Variants in MATN3 observed in about 807,000 individuals in gnomAD.
MATN3 encodes the protein matrilin 3, also known as matrilin-3.
In MATN3, 48 loss-of-function variants were observed where a neutral mutation model predicts 45.3. The observed-to-expected ratio is 1.06, with a 90% confidence interval of 0.84 to 1.35. The LOEUF is 1.35. Ranked by LOEUF, MATN3 falls within the 40% of genes most tolerant of loss-of-function variation. The pLI is 0.00. For synonymous variants in MATN3, 217 were observed against 245.9 expected, an observed-to-expected ratio of 0.88 and a Z score of 1.10; for missense variants, 599 against 628.0, an observed-to-expected ratio of 0.95 and a Z score of 0.49.
chr2:20,003,584 T>A (rs959223101), intron 2 of MATN3, among the ~76,000 whole-genome samples: 1 of 152,196 alleles, frequency 6.6e-6, no homozygotes, highest in Non-Finnish European at 1.5e-5. Flanking sequence ...TTGGATGTTT[T>A]ATTTGGCTTA....
chr2:19,992,173 C>T lies in MATN3; in HGVS notation c.*938G>A, dbSNP rs983814181. The T allele has an allele frequency of 2.0e-5, 3 of 151,970 alleles. No homozygotes were observed. Among genetic ancestry groups the T allele is most frequent in the Admixed American group, 1.3e-4 (2 of 15,248 alleles). The allele number at this position is 151,970 out of a possible 1,614,324, so 9.4% of individuals were successfully genotyped here. A position where few individuals can be genotyped will look rare whatever the true frequency, so the allele number is the denominator to read the frequency against. ...AATGCAAACGAAAAACAGAATTGAG[C>T]AGTGCAAAATTTAAAGGACTGTTTT... On this transcript the variant is annotated 3_prime_UTR_variant, in exon 8 of 8. Transcript: ENST00000407540.
At position 19,993,088 on chromosome 2, in the gene MATN3, T is replaced by G; in HGVS notation, c.*23A>C. On this transcript the variant is annotated 3_prime_UTR_variant, in exon 8 of 8. Coordinates refer to ENST00000407540, the MANE Select transcript of MATN3 (RefSeq NM_002381.5). ...TTAAGTACACCAAGCTGTCCACATTTTCAGGTGAGAAATTGGAGCAATTTA... is the reference window on the plus strand; with the variant it reads ...TTAAGTACACCAAGCTGTCCACATTGTCAGGTGAGAAATTGGAGCAATTTA... The G allele has an allele frequency of 1.3e-6, 2 of 1,598,996 alleles. No homozygotes were observed. Among genetic ancestry groups the G allele is most frequent in the Non-Finnish European group, 1.7e-6 (2 of 1,166,504 alleles).
In MATN3 at chr2:20,002,343, T is replaced by C. The variant is rs1321369085; in HGVS notation, c.917-263A>G. On this transcript the variant is annotated intron_variant, in intron 3 of 7. Transcript: ENST00000407540. Reference sequence around the variant, plus strand: ...CTATAAAATTAAGTTATCTCTAAGCTTTCTTCCTCCCAAAAACTTTTTTCT... The same window carrying C: ...CTATAAAATTAAGTTATCTCTAAGCCTTCTTCCTCCCAAAAACTTTTTTCT... Among the ~76,000 whole-genome samples the C allele has an allele frequency of 2.0e-5, 3 of 152,246 alleles. No individual in the cohort carries two copies. The East Asian group carries it at 5.8e-4, about 29-fold the overall frequency.
intron 3 of MATN3, 127 bp downstream of exon 3, chr2:20,003,034 C>T: frequency 9.3e-7 from 1 of 1,079,144 alleles, no homozygotes; most frequent in Non-Finnish European, 1.3e-6. Context: ...TGATGAACAC[C>T]AGTAAACCAG....
In MATN3 at chr2:20,003,439, T is replaced by C. The variant is rs10186848; in HGVS notation, c.791-153A>G. ...TGGTTATTTGTTTTCTGCCTCTGGC[T>C]TATTAGCAATGCTACTCTTAAACTA... On this transcript the variant is annotated intron_variant, in intron 2 of 7. Coordinates refer to ENST00000407540, the MANE Select transcript of MATN3 (RefSeq NM_002381.5). 0.024 allele frequency among the ~76,000 whole-genome samples: 3,706 copies of C among 152,360 alleles called. 173 individuals are homozygous for C. The highest frequency in any genetic ancestry group is 0.085 in the African/African-American group (3,541 of 41,576).
rs747623605 is a variant in MATN3, at chr2:20,000,495, G to T, written c.1114C>A (p.His372Asn). The change falls in exon 5 of 8, where the codon CAT becomes AAT. Residue 372 changes from histidine (H) to asparagine (N), a missense_variant. Physicochemically the swap from His to Asn is moderately conservative, Grantham distance 68. Coordinates refer to ENST00000407540, the MANE Select transcript of MATN3 (RefSeq NM_002381.5). ...GTGTAGCCCTCATAGCATTCACAAT[G>T]ATGGGACCCTGTTCTGTCATTCACA... is the stretch of plus-strand genomic sequence containing the variant. ...ICVNDRTGSH[H>N]CECYEGYTLN... The T allele has an allele frequency of 6.2e-7, 1 of 1,612,710 alleles. No homozygotes were observed. Among genetic ancestry groups the T allele is most frequent in the African/African-American group, 1.3e-5 (1 of 75,004 alleles).
Position 19,992,685 on chromosome 2 carries a change from A to G in MATN3, c.*426T>C, listed in dbSNP as rs767425387. 1.7e-5 allele frequency: 3 copies of G among 178,552 alleles called. No homozygotes were observed. The highest frequency in any genetic ancestry group is 3.5e-5 in the Non-Finnish European group (3 of 86,248). The allele number at this position is 178,552 out of a possible 1,614,324, so 11.1% of individuals were successfully genotyped here. On this transcript the variant is annotated 3_prime_UTR_variant, in exon 8 of 8. Coordinates refer to ENST00000407540, the MANE Select transcript of MATN3 (RefSeq NM_002381.5). ...GTTATATGAAGTTGTATGTGTAAAT[A>G]CCTTGTACAATTTGCACTCTCAGTA...
At chr2:19,994,454 A>C (rs1489445452) in intron 6 of MATN3, 45 bp from the exon 7 acceptor site, 2 of 1,072,162 alleles carry the variant, frequency 1.9e-6, no homozygotes, top group Non-Finnish European at 2.8e-6. Flanking sequence ...AGGAATAGCT[A>C]TATAGGAATC....
chr2:19,995,917 C>T lies in MATN3; in HGVS notation c.1294+1217G>A, dbSNP rs1004590229. The stretch of plus-strand genomic sequence containing the variant: ...TGAATCCTATTGAACCTTTTAGGGA[C>T]AGCCAGTCCAAATCCCATCTTAGTT... On this transcript the variant is annotated intron_variant, in intron 6 of 7. Coordinates refer to ENST00000407540, the MANE Select transcript of MATN3 (RefSeq NM_002381.5). This position sits in a 1 kb window ranked among gnomAD's most constrained non-coding sequence, Gnocchi z 4.2. 1.3e-5 allele frequency among the ~76,000 whole-genome samples: 2 copies of T among 152,188 alleles called. No homozygotes were observed. The highest frequency in any genetic ancestry group is 6.5e-5 in the Admixed American group (1 of 15,284).
intron 6 of MATN3, 131 bp from the exon 7 acceptor site, chr2:19,994,540 G>T: frequency 1.7e-6 from 1 of 604,408 alleles, no homozygotes; most frequent in Admixed American, 3.5e-5. Flanking sequence ...AAGAGGTAAA[G>T]GGATAGATGA....
chr2:20,006,170 C>A lies in MATN3; in HGVS notation c.364G>T (p.Val122Leu), dbSNP rs34379235. The change falls in exon 2 of 8, where the codon GTG becomes TTG. Residue 122 changes from valine to leucine, a missense_variant. Val to Leu is a conservative substitution (Grantham distance 32, BLOSUM62 1). Transcript: ENST00000407540. ...GTGCTAGCATAGTTCACCACTGCCA[C>A]CCGCGTGTCGGCTGGCCCAATGTCC... ...TLDIGPADTR[V>L]AVVNYASTVK... is the part of the protein sequence containing the mutation. 1 of 1,613,976 alleles carries A rather than the reference C, an allele frequency of 6.2e-7. No individual in the cohort carries two copies. Among genetic ancestry groups the A allele is most frequent in the East Asian group, 2.2e-5 (1 of 44,884 alleles).
At chr2:20,009,454 G>A (rs1673175516) in intron 1 of MATN3, among the ~76,000 whole-genome samples, 1 of 151,938 alleles carries the variant, frequency 6.6e-6, no homozygotes, top group Admixed American at 6.6e-5. Flanking sequence ...ATAGGGAGGG[G>A]AACATCACAC....
chr2:20,011,416 A>T (rs531573419), intron 1 of MATN3, among the ~76,000 whole-genome samples: 2 of 152,362 alleles, frequency 1.3e-5, no homozygotes, highest in Admixed American at 1.3e-4. Flanking sequence ...CAAATCTGCC[A>T]CTTCAAATAC....
intron 1 of MATN3, among the ~76,000 whole-genome samples, chr2:20,008,877 T>C (rs1046554359): frequency 6.6e-6 from 1 of 152,172 alleles, no homozygotes; most frequent in Non-Finnish European, 1.5e-5. Flanking sequence ...TCCTGCTTGT[T>C]GACTTTAAGT....
chr2:19,992,906 T>A lies in MATN3; in HGVS notation c.*205A>T, dbSNP rs373233309. The A allele has an allele frequency of 1.3e-4, 71 of 549,854 alleles. 1 individual carries two copies. The South Asian group carries it at 1.7e-3, about 13-fold the overall frequency. 34.1% of individuals were successfully genotyped at this position (549,854 alleles called of 1,614,324 possible). A position where few individuals can be genotyped will look rare whatever the true frequency, so the allele number is the denominator to read the frequency against. On this transcript the variant is annotated 3_prime_UTR_variant, in exon 8 of 8. Transcript: ENST00000407540. ...TAGAGACACTAAAGTTTGCTCTTAA[T>A]AAGTATCTGCATATGTATTTCCTTG...
chr2:20,007,905 G>A (rs764806927), intron 1 of MATN3, among the ~76,000 whole-genome samples: 31 of 151,884 alleles, frequency 2.0e-4, no homozygotes, highest in South Asian at 6.2e-4. Context: ...CTCTCTCCTC[G>A]ATACAAAAAT....
At chr2:20,005,282 G>C (rs572994343) in intron 2 of MATN3, among the ~76,000 whole-genome samples, 1 of 152,138 alleles carries the variant, frequency 6.6e-6, no homozygotes, top group Non-Finnish European at 1.5e-5. Context: ...ACTCTCCCAA[G>C]GACAGACGCT....
Position 20,005,899 on chromosome 2 carries a change from G to A in MATN3, c.635C>T (p.Ala212Val). 6.2e-7 allele frequency: 1 copy of A among 1,610,278 alleles called. No individual in the cohort carries two copies. Among genetic ancestry groups the A allele is most frequent in the Non-Finnish European group, 8.5e-7 (1 of 1,178,352 alleles). Residue 212 changes from alanine (A) to valine (V), a missense_variant, in exon 2 of 8, where the codon GCA (alanine) becomes GTA (valine). Physicochemically the swap from Ala to Val is moderately conservative, Grantham distance 64 (BLOSUM62 0). Transcript: ENST00000407540. ...CACAGCATAGAGCTCAATACCAGAT[G>A]CTTGGGCCCGAGCCGCCACCTCATT... ...QVNEVAARAQ[A>V]SGIELYAVGV...
chr2:20,008,144 A>G (rs759887285), intron 1 of MATN3, among the ~76,000 whole-genome samples: 1 of 152,066 alleles, frequency 6.6e-6, no homozygotes, highest in Non-Finnish European at 1.5e-5. Context: ...TGTATTTTTC[A>G]TAGAGACGGG....
Sources: allele counts gnomAD v4.1 joint callset (sites outside exome capture counted in the v4.1 genomes callset), GRCh38; gene constraint gnomAD v4.1.1; non-coding constraint Gnocchi (gnomAD v3.1); transcripts MANE v1.5; gene names NCBI Gene and HGNC (gene_info 2026-07-23, HGNC 2026-07-21).